DUSP4: variants seen among roughly 807,000 people sequenced by gnomAD.
DUSP4 encodes the protein dual specificity protein phosphatase 4.
A neutral mutation model predicts 27.2 loss-of-function variants in DUSP4; 12 were observed. That is an observed-to-expected ratio of 0.44 (90% CI 0.28 to 0.71). The LOEUF (loss-of-function observed/expected upper bound fraction) is 0.71, where lower values mean the gene tolerates loss of function less well. Ranked by LOEUF, DUSP4 falls within the 30% of genes least tolerant of loss-of-function variation. The pLI is 0.14. For missense variants in DUSP4, 448 were observed against 551.3 expected, an observed-to-expected ratio of 0.81 and a Z score of 1.88; for synonymous variants, 257 against 245.2, an observed-to-expected ratio of 1.05 and a Z score of -0.45.
chr8:29,350,202 C>A lies in DUSP4; in HGVS notation c.77G>T (p.Gly26Val). ...KRLMNRDENG[G>V]GAGGSGSHGT... ...GTGGCTGCCGCTGCCGCCCGCGCCG[C>A]CGCCATTCTCGTCCCGGTTCATCAG... The change falls in exon 1 of 4, where the codon GGC (glycine) becomes GTC (valine). Residue 26 changes from glycine (G) to valine (V), a missense_variant. Physicochemically the swap from Gly to Val is moderately radical, Grantham distance 109. This residue lies in a region of DUSP4 where 345 missense variants were observed against 394.0 expected (regional missense o/e 0.88). Coordinates refer to ENST00000240100, the MANE Select transcript of DUSP4 (RefSeq NM_001394.7). 2 of 1,608,920 alleles carry A rather than the reference C, an allele frequency of 1.2e-6. No individual in the cohort carries two copies. Among genetic ancestry groups the A allele is most frequent in the Admixed American group, 1.7e-5 (1 of 59,806 alleles).
At position 29,350,398 on chromosome 8, in the gene DUSP4, T is replaced by C; in HGVS notation, c.-120A>G. On this transcript the variant is annotated 5_prime_UTR_variant, in exon 1 of 4. Coordinates refer to ENST00000240100, the MANE Select transcript of DUSP4 (RefSeq NM_001394.7). ...GACGCCTGCAGAAGTGGCCGCAAACTTGGTCCTCAAGGGCTCCCGCGGGAG... is the reference window on the plus strand; with the variant it reads ...GACGCCTGCAGAAGTGGCCGCAAACCTGGTCCTCAAGGGCTCCCGCGGGAG... 2 of 1,279,864 alleles carry C rather than the reference T, an allele frequency of 1.6e-6. No homozygotes were observed. Among genetic ancestry groups the C allele is most frequent in the South Asian group, 3.2e-5 (2 of 62,546 alleles). 79.3% of individuals were successfully genotyped at this position (1,279,864 alleles called of 1,614,324 possible).
At position 29,337,283 on chromosome 8, in the gene DUSP4, C is replaced by G; in HGVS notation, c.928G>C (p.Val310Leu). 1.2e-6 allele frequency: 2 copies of G among 1,613,574 alleles called. No individual in the cohort carries two copies. Among genetic ancestry groups the G allele is most frequent in the Non-Finnish European group, 1.7e-6 (2 of 1,180,006 alleles). ...GAGATGATGCTGCGGCGCTGCTTAACGAACTCGAAGGCCTCCTCCAGCCTC... is the reference window on the plus strand; with the variant it reads ...GAGATGATGCTGCGGCGCTGCTTAAGGAACTCGAAGGCCTCCTCCAGCCTC... ...RVRLEEAFEF[V>L]KQRRSIISPN... The change falls in exon 4 of 4, where the codon GTT (valine) becomes CTT (leucine). Residue 310 changes from valine to leucine, a missense_variant. Transcript: ENST00000240100. This position sits in a 1 kb window ranked among gnomAD's most constrained non-coding sequence, Gnocchi z 6.4.
rs75976495 is a variant in DUSP4 at position 29,335,582 on chromosome 8, A to G, written c.*1444T>C. The G allele has an allele frequency of 2.0e-5, 3 of 152,270 alleles. No homozygotes were observed. The South Asian group carries it at 6.2e-4, about 31-fold the overall frequency. The allele number at this position is 152,270 out of a possible 1,614,324, so 9.4% of individuals were successfully genotyped here. On this transcript the variant is annotated 3_prime_UTR_variant, in exon 4 of 4. Coordinates refer to ENST00000240100, the MANE Select transcript of DUSP4 (RefSeq NM_001394.7). ...AATATTCACCTAACTAGGAATTTAA[A>G]GAACACAAGAAATTGTTGGTATATT...
intron 1 of DUSP4, among the ~76,000 whole-genome samples, chr8:29,343,875 A>G (rs1350613012): frequency 6.6e-6 from 1 of 152,194 alleles, no homozygotes; most frequent in East Asian, 1.9e-4. Context: ...AAAAAAGATT[A>G]TTCTAAGGTG....
At position 29,336,788 on chromosome 8, in the gene DUSP4, C is replaced by A. The variant is rs1051065852; in HGVS notation, c.*238G>T. 2.0e-6 allele frequency: 1 copy of A among 506,444 alleles called. No individual in the cohort carries two copies. The highest frequency in any genetic ancestry group is 3.5e-5 in the East Asian group (1 of 28,876). The allele number at this position is 506,444 out of a possible 1,614,324, so 31.4% of individuals were successfully genotyped here. ...ACTGACACATAAACCAAACCAAGGTCTTCCCTGGCTGCTGCGGCAGCCGTT... is the reference window on the plus strand; with the variant it reads ...ACTGACACATAAACCAAACCAAGGTATTCCCTGGCTGCTGCGGCAGCCGTT... On this transcript the variant is annotated 3_prime_UTR_variant, in exon 4 of 4. Transcript: ENST00000240100.
chr8:29,339,646 C>G (rs1029881698), intron 2 of DUSP4, among the ~76,000 whole-genome samples: 5 of 152,112 alleles, frequency 3.3e-5, no homozygotes, highest in Middle Eastern at 3.2e-3. Context: ...TACCTAACAT[C>G]CCACCCCAAT....
At position 29,340,242 on chromosome 8, in the gene DUSP4, G is replaced by A. The variant is rs778377038; in HGVS notation, c.435C>T (p.Gly145=). 5.0e-6 allele frequency: 8 copies of A among 1,607,180 alleles called. No individual in the cohort carries two copies. The highest frequency in any genetic ancestry group is 3.4e-6 in the Non-Finnish European group (4 of 1,176,946). The change falls in exon 2 of 4, where the codon GGC becomes GGT. Residue 145 remains glycine, a splice_region_variant and synonymous_variant. Transcript: ENST00000240100. ...ACTCGGAGGAAAACCTCTCATAGCC[G>A]CCTGTAAAGGAGAAAGAAGCTCAGG... is the stretch of plus-strand genomic sequence containing the variant. ...AERTDICLLK[G]GYERFSSEYP...
At chr8:29,342,786 G>A (rs143665200) in intron 1 of DUSP4, among the ~76,000 whole-genome samples, 1 of 152,322 alleles carries the variant, frequency 6.6e-6, no homozygotes, top group Non-Finnish European at 1.5e-5. Context: ...CATCGCAACT[G>A]TCTGGAAAAG....
Position 29,338,425 on chromosome 8 carries a change from G to C in DUSP4, c.656C>G (p.Ala219Gly), listed in dbSNP as rs1333702720. 6.2e-7 allele frequency: 1 copy of C among 1,614,218 alleles called. No homozygotes were observed. The highest frequency in any genetic ancestry group is 1.1e-5 in the South Asian group (1 of 91,082). The part of the protein sequence containing the change: ...YHAARRDMLD[A>G]LGITALLNVS... Reference sequence around the variant, plus strand: ...ATTCAACAGAGCCGTGATGCCCAGGGCGTCCAGCATGTCTCTCCGGGCAGC... The same window carrying C: ...ATTCAACAGAGCCGTGATGCCCAGGCCGTCCAGCATGTCTCTCCGGGCAGC... The change falls in exon 3 of 4, where the codon GCC becomes GGC. Residue 219 changes from alanine to glycine, a missense_variant. Ala to Gly is a moderately conservative substitution (Grantham distance 60). This residue lies in a region of DUSP4 where 345 missense variants were observed against 394.0 expected (regional missense o/e 0.88). Transcript: ENST00000240100.
At chr8:29,349,646 G>T (rs1445174359) in intron 1 of DUSP4, among the ~76,000 whole-genome samples, 200 bp downstream of exon 1, 1 of 152,208 alleles carries the variant, frequency 6.6e-6, no homozygotes. Flanking sequence ...AAACCCGTCC[G>T]CACTTTCCCT....
chr8:29,350,188 T>C lies in DUSP4; in HGVS notation c.91A>G (p.Ser31Gly), dbSNP rs761630154. The change falls in exon 1 of 4, where the codon AGC becomes GGC. Residue 31 changes from serine to glycine, a missense_variant. Transcript: ENST00000240100. The part of the protein sequence containing the change: ...RDENGGGAGG[S>G]GSHGTLGLPS... ...AGCCCCAGGGTGCCGTGGCTGCCGC[T>C]GCCGCCCGCGCCGCCGCCATTCTCG... 1.2e-5 allele frequency: 19 copies of C among 1,607,472 alleles called. No homozygotes were observed. The highest frequency in any genetic ancestry group is 2.2e-5 in the East Asian group (1 of 44,782).
rs140608635 is a variant in DUSP4 at position 29,347,960 on chromosome 8, C to T, written c.433+1886G>A. 2,333 of 985,518 alleles carry T rather than the reference C, an allele frequency of 2.4e-3. 6 individuals are homozygous for T. The highest frequency in any genetic ancestry group is 3.1e-3 in the South Asian group (67 of 21,290). 61.0% of individuals were successfully genotyped at this position (985,518 alleles called of 1,614,324 possible). ...GGATAAATCTTAAAAAATAATCCCT[C>T]TCTCCCCGGGAGCGGGGCCTAAGTG... On this transcript the variant is annotated intron_variant, in intron 1 of 3. Transcript: ENST00000240100.
At chr8:29,338,796 C>T (rs1055748454) in intron 2 of DUSP4, among the ~76,000 whole-genome samples, 2 of 152,204 alleles carry the variant, frequency 1.3e-5, no homozygotes, top group African/African-American at 2.4e-5. Flanking sequence ...AGGACAATGC[C>T]GGCCTTATGG....
chr8:29,339,455 C>A (rs1817624082), intron 2 of DUSP4, among the ~76,000 whole-genome samples: 1 of 152,146 alleles, frequency 6.6e-6, no homozygotes, highest in Admixed American at 6.6e-5. Context: ...TCATGGCCTG[C>A]TACTTCAGAG....
chr8:29,342,917 C>T (rs1163464580), intron 1 of DUSP4, among the ~76,000 whole-genome samples: 3 of 152,150 alleles, frequency 2.0e-5, no homozygotes, highest in Non-Finnish European at 4.4e-5. Flanking sequence ...CCTGTAATCC[C>T]AGCACTTTGG....
At chr8:29,344,097 A>C (rs1373604013) in intron 1 of DUSP4, among the ~76,000 whole-genome samples, 2 of 152,202 alleles carry the variant, frequency 1.3e-5, no homozygotes, top group Non-Finnish European at 2.9e-5. Context: ...TGTAAGTCCA[A>C]CTCAACTTGT....
rs1817567334 is a variant in DUSP4 at position 29,336,050 on chromosome 8, G to A, written c.*976C>T. On this transcript the variant is annotated 3_prime_UTR_variant, in exon 4 of 4. Transcript: ENST00000240100. ...TCTCTTGAGCCCAAGAGCTTGAGATGAGCCTTGGCAACATAGTGAGATGCT... is the reference window on the plus strand; with the variant it reads ...TCTCTTGAGCCCAAGAGCTTGAGATAAGCCTTGGCAACATAGTGAGATGCT... The A allele has an allele frequency of 6.6e-6, 1 of 152,122 alleles. No homozygotes were observed. Among genetic ancestry groups the A allele is most frequent in the Non-Finnish European group, 1.5e-5 (1 of 68,030 alleles). 9.4% of individuals were successfully genotyped at this position (152,122 alleles called of 1,614,324 possible). A position where few individuals can be genotyped will look rare whatever the true frequency, so the allele number is the denominator to read the frequency against.
intron 1 of DUSP4, chr8:29,345,451 T>C (rs1285749960): frequency 1.2e-6 from 2 of 1,614,008 alleles, no homozygotes; most frequent in Admixed American, 3.3e-5. Flanking sequence ...CGAACTGGTT[T>C]GCAGTCTCTC....
At chr8:29,347,483 G>A (rs1443326347) in intron 1 of DUSP4, among the ~76,000 whole-genome samples, 1 of 152,234 alleles carries the variant, frequency 6.6e-6, no homozygotes, top group Non-Finnish European at 1.5e-5. Flanking sequence ...CAACAGAGCA[G>A]GCTGGAAGAT....
Sources: gnomAD v4.1 joint callset for allele counts (sites outside exome capture counted in the v4.1 genomes callset) on GRCh38, gnomAD v4.1.1 for gene constraint, gnomAD v4.1.1 regional missense constraint, Gnocchi (gnomAD v3.1) non-coding constraint, MANE v1.5 for transcripts, NCBI Gene and HGNC (gene_info 2026-07-23, HGNC 2026-07-21) for gene names.